Variants in ZNF804A observed in about 807,000 individuals in gnomAD.
ZNF804A encodes zinc finger protein 804A.
Under a neutral mutation model 16.5 loss-of-function variants are expected in ZNF804A, and 2 were observed. The observed-to-expected ratio is 0.12, with a 90% CI of 0.05 to 0.38. ZNF804A has a LOEUF of 0.38. ZNF804A is among the 10% of genes least tolerant of loss of function. The pLI is 0.99. For synonymous variants in ZNF804A, 534 were observed against 489.6 expected (o/e 1.09, Z -1.20); for missense variants, 1,473 against 1,390.7 (o/e 1.06, Z -0.94).
chr2:184,852,466 T>C (rs1695622040), intron 1 of ZNF804A, among the ~76,000 whole-genome samples: 1 of 146,002 alleles, frequency 6.8e-6, no homozygotes, highest in Admixed American at 6.9e-5. Flanking sequence ...TGACTATGCT[T>C]TTTTTTTTTT....
rs1574279160 is a variant in ZNF804A at position 184,937,642 on chromosome 2, G to A, written c.2246G>A (p.Ser749Asn). 1.9e-6 allele frequency: 3 copies of A among 1,613,942 alleles called. No homozygotes were observed. The highest frequency in any genetic ancestry group is 4.5e-5 in the East Asian group (2 of 44,848). The change falls in exon 4 of 4, where the codon AGT becomes AAT. Residue 749 changes from serine to asparagine, a missense_variant. By Grantham distance (46) the Ser-to-Asn change is conservative. Transcript: ENST00000302277. ...LVLQNDMKHM[S>N]QNQAVKRGYN... ...CTTCAAAATGATATGAAACACATGA[G>A]TCAGAATCAGGCTGTTAAAAGAGGT...
At chr2:184,732,638 T>C (rs1693538534) in intron 1 of ZNF804A, among the ~76,000 whole-genome samples, 1 of 152,214 alleles carries the variant, frequency 6.6e-6, no homozygotes, top group East Asian at 1.9e-4. Flanking sequence ...ATCTCAAATA[T>C]ATTGAGATTT....
intron 1 of ZNF804A, among the ~76,000 whole-genome samples, chr2:184,705,888 C>T (rs1159872461): frequency 6.6e-6 from 1 of 152,132 alleles, no homozygotes; most frequent in African/African-American, 2.4e-5. Flanking sequence ...CCTGACATTA[C>T]CTCTACCTCT....
intron 1 of ZNF804A, among the ~76,000 whole-genome samples, chr2:184,855,551 T>C (rs1695673165): frequency 6.6e-6 from 1 of 151,716 alleles, no homozygotes; most frequent in South Asian, 2.1e-4. Context: ...CTTAGATCAA[T>C]GAAGAGTATA....
chr2:184,761,935 C>G (rs1027482655), intron 1 of ZNF804A, among the ~76,000 whole-genome samples: 2 of 152,086 alleles, frequency 1.3e-5, no homozygotes, highest in Non-Finnish European at 2.9e-5. Flanking sequence ...ACTTTTGATA[C>G]CATCTTCTGA....
At chr2:184,689,260 A>C (rs1260633955) in intron 1 of ZNF804A, among the ~76,000 whole-genome samples, 1 of 152,156 alleles carries the variant, frequency 6.6e-6, no homozygotes, top group Non-Finnish European at 1.5e-5. Context: ...AATACTCCAA[A>C]TACAATATTT....
At chr2:184,675,217 A>G (rs933434551) in intron 1 of ZNF804A, among the ~76,000 whole-genome samples, 4 of 151,832 alleles carry the variant, frequency 2.6e-5, no homozygotes, top group African/African-American at 7.2e-5. Context: ...CATATATATT[A>G]GGAACATGCA....
chr2:184,792,721 T>C (rs1385001116), intron 1 of ZNF804A, among the ~76,000 whole-genome samples: 1 of 152,184 alleles, frequency 6.6e-6, no homozygotes, highest in Non-Finnish European at 1.5e-5. Flanking sequence ...GTCATCAGCT[T>C]GCACAAGATC....
chr2:184,794,342 ATACGTTTG>A (rs1342950151), intron 1 of ZNF804A, among the ~76,000 whole-genome samples: 2 of 151,908 alleles, frequency 1.3e-5, no homozygotes, highest in Admixed American at 1.3e-4. Flanking sequence ...GCATTTTTTC[ATACGTTTG>A]TTGGCCATTC....
At chr2:184,906,942 G>T (rs190421539) in intron 2 of ZNF804A, among the ~76,000 whole-genome samples, 98 of 152,260 alleles carry the variant, frequency 6.4e-4, no homozygotes, top group Non-Finnish European at 1.2e-3. Context: ...ACATAACAAA[G>T]AATGAGGCAG....
intron 1 of ZNF804A, among the ~76,000 whole-genome samples, chr2:184,673,571 A>C (rs1182414513): frequency 6.6e-6 from 1 of 152,196 alleles, no homozygotes; most frequent in Non-Finnish European, 1.5e-5. Flanking sequence ...AGCAGGAAAG[A>C]GGGTACAATA....
intron 1 of ZNF804A, among the ~76,000 whole-genome samples, chr2:184,691,166 A>C (rs1692719211): frequency 2.0e-5 from 3 of 151,934 alleles, no homozygotes; most frequent in African/African-American, 7.2e-5. Flanking sequence ...CATTTTCATG[A>C]GGTGATATTT....
At chr2:184,811,520 A>C (rs1396796735) in intron 1 of ZNF804A, among the ~76,000 whole-genome samples, 1 of 152,164 alleles carries the variant, frequency 6.6e-6, no homozygotes, top group Non-Finnish European at 1.5e-5. Flanking sequence ...GAGCATAAAA[A>C]TACACGCATT....
At chr2:184,729,991 G>T (rs1194277323) in intron 1 of ZNF804A, among the ~76,000 whole-genome samples, 1 of 152,024 alleles carries the variant, frequency 6.6e-6, no homozygotes, top group Non-Finnish European at 1.5e-5. Context: ...TATTGGTCCT[G>T]ACTCATAGTA....
At chr2:184,695,804 CT>C (rs1476652058) in intron 1 of ZNF804A, among the ~76,000 whole-genome samples, 2 of 152,032 alleles carry the variant, frequency 1.3e-5, no homozygotes, top group Non-Finnish European at 2.9e-5. Flanking sequence ...GGTATCATTT[CT>C]TTCTCTTTTA....
intron 1 of ZNF804A, among the ~76,000 whole-genome samples, chr2:184,850,761 TG>T (rs1379546013): frequency 6.6e-6 from 1 of 151,740 alleles, no homozygotes; most frequent in African/African-American, 2.4e-5. Flanking sequence ...TAGATACAAA[TG>T]TTATTTTTCA....
intron 1 of ZNF804A, among the ~76,000 whole-genome samples, chr2:184,618,317 A>G (rs1691359899): frequency 6.6e-6 from 1 of 152,182 alleles, no homozygotes; most frequent in African/African-American, 2.4e-5. Flanking sequence ...ACTTACCAAA[A>G]AAGTTTTCAG....
In ZNF804A at chr2:184,906,173, A is replaced by G. The variant is rs1029032266; in HGVS notation, c.256-27430A>G. Among the ~76,000 whole-genome samples, 8 of 152,344 alleles carry G rather than the reference A, an allele frequency of 5.3e-5. No individual in the cohort carries two copies. The East Asian group carries it at 1.4e-3, about 26-fold the overall frequency. On this transcript the variant is annotated intron_variant, in intron 2 of 3. Coordinates refer to ENST00000302277, the MANE Select transcript of ZNF804A (RefSeq NM_194250.2). ...ATTGCTGGTTTTCTCTAAAGGATTC[A>G]TAAAATAATATACAGGAGGTTAAGT...
chr2:184,865,563 A>G (rs1224961403), intron 1 of ZNF804A, among the ~76,000 whole-genome samples: 1 of 152,154 alleles, frequency 6.6e-6, no homozygotes, highest in African/African-American at 2.4e-5. Context: ...AGTAAGCATG[A>G]AATAGCAAGT....
Sources: allele counts gnomAD v4.1 joint callset (sites outside exome capture counted in the v4.1 genomes callset), GRCh38; gene constraint gnomAD v4.1.1; transcripts MANE v1.5; gene names NCBI Gene and HGNC (gene_info 2026-07-23, HGNC 2026-07-21).